ANKS1B: variants seen among roughly 807,000 people sequenced by gnomAD.
ANKS1B encodes ankyrin repeat and sterile alpha motif domain containing 1B.
ANKS1B carries 36 observed loss-of-function variants against 148.3 expected under a neutral mutation model. The ratio of observed to expected loss-of-function variants is 0.24; its 90% CI spans 0.19 to 0.32. ANKS1B has a LOEUF of 0.32. Ranked by LOEUF, ANKS1B falls within the 10% of genes least tolerant of loss-of-function variation. The probability of loss-of-function intolerance (pLI) is 1.00; values close to 1 mark genes in which losing one functional copy is unlikely to be tolerated. For synonymous variants in ANKS1B, 542 were observed against 560.8 expected (o/e 0.97, Z 0.47); for missense variants, 1,157 against 1,542.6 (o/e 0.75, Z 4.19).
chr12:99,071,644 C>CTT (rs71646503), intron 16 of ANKS1B, among the ~76,000 whole-genome samples: 1 of 143,140 alleles, frequency 7.0e-6, no homozygotes, highest in Non-Finnish European at 1.5e-5. Flanking sequence ...TAATCTCTCT[C>CTT]TTTTTTTTTT....
intron 17 of ANKS1B, among the ~76,000 whole-genome samples, chr12:99,027,492 G>A (rs2099949439): frequency 6.6e-6 from 1 of 152,214 alleles, no homozygotes; most frequent in South Asian, 2.1e-4. Flanking sequence ...AACTAGTGAT[G>A]TCAAATGACT....
At chr12:99,326,777 T>C (rs2152233243) in intron 12 of ANKS1B, among the ~76,000 whole-genome samples, 1 of 151,510 alleles carries the variant, frequency 6.6e-6, no homozygotes, top group South Asian at 2.1e-4. Flanking sequence ...CACTTGATAT[T>C]AGCATTGCAG....
chr12:99,315,482 T>C (rs1260951150), intron 12 of ANKS1B, among the ~76,000 whole-genome samples: 1 of 152,144 alleles, frequency 6.6e-6, no homozygotes, highest in Non-Finnish European at 1.5e-5. Flanking sequence ...TCACTGATCA[T>C]TAGAGAAATG....
chr12:99,769,466 A>G (rs1278815969), intron 8 of ANKS1B, among the ~76,000 whole-genome samples: 1 of 152,202 alleles, frequency 6.6e-6, no homozygotes, highest in Non-Finnish European at 1.5e-5. Flanking sequence ...TACAACTACC[A>G]CTTTTATTTT....
chr12:99,868,077 A>AT (rs1217089684), intron 1 of ANKS1B, among the ~76,000 whole-genome samples: 1 of 152,216 alleles, frequency 6.6e-6, no homozygotes, highest in African/African-American at 2.4e-5. Flanking sequence ...AGCACTCTAT[A>AT]AAATTCAACA....
intron 10 of ANKS1B, among the ~76,000 whole-genome samples, chr12:99,451,800 T>G (rs550895379): frequency 6.6e-6 from 1 of 152,002 alleles, no homozygotes; most frequent in Non-Finnish European, 1.5e-5. Context: ...TGTGTGTGTG[T>G]GTATGTGTAT....
chr12:98,998,550 T>C (rs930687253), intron 17 of ANKS1B, among the ~76,000 whole-genome samples: 3 of 152,234 alleles, frequency 2.0e-5, no homozygotes, highest in African/African-American at 4.8e-5. Context: ...ATGAGGGACA[T>C]TGACAAATGA....
intron 17 of ANKS1B, among the ~76,000 whole-genome samples, chr12:99,040,051 G>A (rs534374491): frequency 2.6e-5 from 4 of 152,170 alleles, no homozygotes; most frequent in Non-Finnish European, 4.4e-5. Flanking sequence ...GGGGGACTGC[G>A]GGAAAAAGGA....
rs1029550330 is a variant in ANKS1B at position 99,782,657 on chromosome 12, C to A, written c.670-560G>T. 4.6e-5 allele frequency among the ~76,000 whole-genome samples: 7 copies of A among 152,258 alleles called. No individual in the cohort carries two copies. In the East Asian group the frequency reaches 7.7e-4, roughly 17 times the overall value. ...TAAGTATAAAATAAGAGAAGTAATG[C>A]CCACCTCACAAGGCTTTTGTGACTA... On this transcript the variant is annotated intron_variant, in intron 4 of 26. Transcript: ENST00000683438.
At chr12:99,962,194 T>C (rs1237595681) in intron 1 of ANKS1B, among the ~76,000 whole-genome samples, 1 of 152,116 alleles carries the variant, frequency 6.6e-6, no homozygotes, top group Non-Finnish European at 1.5e-5. Flanking sequence ...CTAAGTTCTC[T>C]TCCCTAACCC....
intron 24 of ANKS1B, 129 bp downstream of exon 24, chr12:98,780,988 A>G (rs1416784599): frequency 3.3e-6 from 2 of 615,304 alleles, no homozygotes; most frequent in Admixed American, 2.9e-5. Context: ...TATATGTAGG[A>G]AGCATGAAGG....
chr12:99,731,968 A>G (rs992957355), intron 8 of ANKS1B, among the ~76,000 whole-genome samples: 2 of 152,214 alleles, frequency 1.3e-5, no homozygotes, highest in African/African-American at 4.8e-5. Flanking sequence ...CTGAATAATA[A>G]TATAGACAAT....
intron 15 of ANKS1B, among the ~76,000 whole-genome samples, chr12:99,102,541 C>T (rs1007277244): frequency 1.3e-5 from 2 of 151,938 alleles, no homozygotes; most frequent in African/African-American, 2.4e-5. Context: ...CCCATGAGTT[C>T]GAGAACAGCC....
chr12:99,888,558 T>G (rs1173728784), intron 1 of ANKS1B, among the ~76,000 whole-genome samples: 1 of 152,152 alleles, frequency 6.6e-6, no homozygotes, highest in East Asian at 1.9e-4. Context: ...AGAAATACAC[T>G]TTTAAGTGCC....
At chr12:99,300,476 GAA>G (rs796271291) in intron 12 of ANKS1B, among the ~76,000 whole-genome samples, 1 of 144,516 alleles carries the variant, frequency 6.9e-6, no homozygotes, top group Admixed American at 6.9e-5. Context: ...TTGTAAATAA[GAA>G]AAAAAAAACA....
At chr12:99,280,890 C>CACACACACATGCACGT (rs1566800327) in intron 12 of ANKS1B, among the ~76,000 whole-genome samples, 1 of 151,766 alleles carries the variant, frequency 6.6e-6, no homozygotes, top group East Asian at 1.9e-4. Flanking sequence ...CTCTCTCACA[C>CACACACACATGCACGT]ACACACACAT....
chr12:99,658,252 T>C (rs1417932651), intron 8 of ANKS1B, among the ~76,000 whole-genome samples: 5 of 152,154 alleles, frequency 3.3e-5, no homozygotes, highest in Admixed American at 1.3e-4. Context: ...GATAAGACCA[T>C]TGTCAGCCTC....
intron 1 of ANKS1B, among the ~76,000 whole-genome samples, chr12:99,841,035 C>T (rs2085655559): frequency 6.6e-6 from 1 of 152,094 alleles, no homozygotes; most frequent in Admixed American, 6.6e-5. Context: ...TTCAAACTGT[C>T]TGGACTAAAA....
chr12:98,741,637 C>T (rs1230926038), downstream of ANKS1B, among the ~76,000 whole-genome samples: 1 of 152,198 alleles, frequency 6.6e-6, no homozygotes, highest in Non-Finnish European at 1.5e-5. Context: ...TTGCAACCTG[C>T]TCAAACCCAC....
Sources: allele counts gnomAD v4.1 joint callset (sites outside exome capture counted in the v4.1 genomes callset), GRCh38; gene constraint gnomAD v4.1.1; transcripts MANE v1.5; gene names NCBI Gene and HGNC (gene_info 2026-07-23, HGNC 2026-07-21).